Variants in DZIP1 observed in about 807,000 individuals in gnomAD.
DZIP1 encodes the protein DAZ interacting zinc finger protein 1.
In DZIP1, 97 loss-of-function variants were observed where a neutral mutation model predicts 107.6. That is an observed-to-expected ratio of 0.90 (90% CI 0.77 to 1.07). DZIP1 has a LOEUF of 1.07. DZIP1 is among the 50% of genes least tolerant of loss of function. The probability of loss-of-function intolerance (pLI) is 0.00; values close to 1 mark genes in which losing one functional copy is unlikely to be tolerated. For synonymous variants in DZIP1, 390 were observed against 386.4 expected (o/e 1.01, Z -0.11); for missense variants, 1,035 against 1,063.6 (o/e 0.97, Z 0.37).
Position 95,641,289 on chromosome 13 carries a change from G to T in DZIP1, c.597+6C>A. ...TTATGAATCGTGCTCACACACAGCT[G>T]CCCACCTGGTAATAGTTGGCTTTGG... On this transcript the variant is annotated splice_donor_region_variant and intron_variant, in intron 5 of 22. Transcript: ENST00000376829. The surrounding 1 kb of genome is among the most constrained non-coding windows in gnomAD (Gnocchi z 4.3). The T allele has an allele frequency of 1.3e-6, 2 of 1,570,146 alleles. No homozygotes were observed. The highest frequency in any genetic ancestry group is 1.7e-5 in the Admixed American group (1 of 57,188).
In DZIP1 at chr13:95,584,813, G is replaced by A. The variant is rs2044114664; in HGVS notation, c.2447C>T (p.Pro816Leu). ...KSGKEQKEPPPAKNEPHFAHV... is the reference protein window; with the variant it reads ...KSGKEQKEPPLAKNEPHFAHV... ...AGCAAAATGTGGTTCATTTTTCGCA[G>A]GTGGAGGTTCCTTCTGTTCTTTCCC... Residue 816 changes from proline to leucine, a missense_variant, in exon 22 of 23, where the codon CCT becomes CTT. Pro to Leu is a moderately conservative substitution (Grantham distance 98). Transcript: ENST00000376829. The A allele has an allele frequency of 1.2e-6, 2 of 1,613,998 alleles. No individual in the cohort carries two copies. Among genetic ancestry groups the A allele is most frequent in the Admixed American group, 1.7e-5 (1 of 60,000 alleles).
Position 95,609,501 on chromosome 13 carries a change from G to C in DZIP1, c.1376C>G (p.Ala459Gly). 6.3e-7 allele frequency: 1 copy of C among 1,584,428 alleles called. No individual in the cohort carries two copies. Among genetic ancestry groups the C allele is most frequent in the Non-Finnish European group, 8.6e-7 (1 of 1,166,304 alleles). ...SISEPKGNPL[A>G]WQAFESQPAA... ...TGGCTGAGATTCAAAAGCCTGCCAG[G>C]CTAAAGGATTTCCTGAAATGACAGA... Residue 459 changes from alanine (A) to glycine (G), a missense_variant, in exon 13 of 23, where the codon GCC becomes GGC. Ala to Gly is a moderately conservative substitution (Grantham distance 60, BLOSUM62 0). Transcript: ENST00000376829.
intron 5 of DZIP1, among the ~76,000 whole-genome samples, chr13:95,640,770 G>A (rs1463212086): frequency 6.6e-6 from 1 of 152,158 alleles, no homozygotes; most frequent in African/African-American, 2.4e-5. Flanking sequence ...ACTGTGAAAT[G>A]GTTCAAAAGT....
In DZIP1 at chr13:95,610,865, T is replaced by G. The variant is rs571773706; in HGVS notation, c.1363+580A>C. Among the ~76,000 whole-genome samples, 198 of 152,332 alleles carry G rather than the reference T, an allele frequency of 1.3e-3. 1 individual carries two copies. The highest frequency in any genetic ancestry group is 3.4e-3 in the Middle Eastern group (1 of 294). ...GACCCAATTTCCTTTCTCTGTCTCA[T>G]GCATTAGCTGGCCAGGTGATGCCTT... On this transcript the variant is annotated intron_variant, in intron 12 of 22. Coordinates refer to ENST00000376829, the MANE Select transcript of DZIP1 (RefSeq NM_198968.4).
intron 15 of DZIP1, among the ~76,000 whole-genome samples, chr13:95,597,181 A>G (rs1357458856): frequency 1.3e-5 from 2 of 152,242 alleles, no homozygotes; most frequent in Non-Finnish European, 2.9e-5. Flanking sequence ...GCAGTGAGTG[A>G]AATCTGGAAC....
intron 16 of DZIP1, among the ~76,000 whole-genome samples, chr13:95,591,484 C>T (rs568681199): frequency 6.6e-6 from 1 of 152,236 alleles, no homozygotes; most frequent in South Asian, 2.1e-4. Context: ...TCTTTGTTCC[C>T]ATCCCCCTTG....
chr13:95,606,362 C>G, intron 13 of DZIP1, among the ~76,000 whole-genome samples: 1 of 137,114 alleles, frequency 7.3e-6, no homozygotes, highest in East Asian at 2.1e-4. Flanking sequence ...CCTCAAAATA[C>G]CCATGCCCCA....
intron 7 of DZIP1, among the ~76,000 whole-genome samples, chr13:95,625,895 G>A (rs1461983108): frequency 6.6e-6 from 1 of 151,974 alleles, no homozygotes; most frequent in Non-Finnish European, 1.5e-5. Flanking sequence ...GGCCACGGTG[G>A]AACGATCACT....
rs926522922 is a variant in DZIP1 at position 95,587,812 on chromosome 13, T to C, written c.2028-83A>G. 2.1e-6 allele frequency: 3 copies of C among 1,435,160 alleles called. No individual in the cohort carries two copies. The African/African-American group carries it at 4.3e-5, about 21-fold the overall frequency. The allele number at this position is 1,435,160 out of a possible 1,614,324, so 88.9% of individuals were successfully genotyped here. Reference sequence around the variant, plus strand: ...ATATTAAGAGATGTGCCTCTTAAAGTGGTGGCACCTTTCTCAGGTAATTCT... The same window carrying C: ...ATATTAAGAGATGTGCCTCTTAAAGCGGTGGCACCTTTCTCAGGTAATTCT... On this transcript the variant is annotated intron_variant, in intron 19 of 22. Coordinates refer to ENST00000376829, the MANE Select transcript of DZIP1 (RefSeq NM_198968.4).
intron 6 of DZIP1, chr13:95,630,773 G>T (rs1393657585): frequency 1.6e-6 from 2 of 1,287,048 alleles, no homozygotes; most frequent in South Asian, 1.2e-5. Context: ...GACATGAAAG[G>T]TATGGAAACC....
intron 5 of DZIP1, 104 bp from the exon 6 acceptor site, chr13:95,633,425 G>T: frequency 1.1e-6 from 1 of 942,108 alleles, no homozygotes; most frequent in African/African-American, 1.6e-5. Context: ...GCTCACGCCT[G>T]TAATCCCAGC....
At chr13:95,634,332 A>T (rs1334014771) in intron 5 of DZIP1, among the ~76,000 whole-genome samples, 1 of 152,144 alleles carries the variant, frequency 6.6e-6, no homozygotes, top group Non-Finnish European at 1.5e-5. Context: ...CTGTCACATC[A>T]CGTAGTCTTC....
chr13:95,610,103 T>TGAGAGA (rs1291904636), intron 12 of DZIP1, among the ~76,000 whole-genome samples: 10 of 110,754 alleles, frequency 9.0e-5, no homozygotes, highest in African/African-American at 4.2e-4. Context: ...TGTGTGTGTG[T>TGAGAGA]GTGTGTGTGA....
chr13:95,582,754 C>T (rs192066792), intron 22 of DZIP1, among the ~76,000 whole-genome samples: 54 of 152,284 alleles, frequency 3.5e-4, no homozygotes, highest in Admixed American at 3.1e-3. Flanking sequence ...GGATTAACAA[C>T]GAAGTCAATT....
intron 16 of DZIP1, among the ~76,000 whole-genome samples, chr13:95,591,961 C>T (rs2044322217): frequency 6.6e-6 from 1 of 152,070 alleles, no homozygotes; most frequent in Non-Finnish European, 1.5e-5. Flanking sequence ...GACAAAGCTA[C>T]TACAATTAAA....
At position 95,643,034 on chromosome 13, in the gene DZIP1, G is replaced by A. The variant is rs980764085; in HGVS notation, c.-213+9C>T. 6.6e-6 allele frequency: 1 copy of A among 152,162 alleles called. No individual in the cohort carries two copies. Among genetic ancestry groups the A allele is most frequent in the African/African-American group, 2.4e-5 (1 of 41,428 alleles). The allele number at this position is 152,162 out of a possible 1,614,324, so 9.4% of individuals were successfully genotyped here. A position where few individuals can be genotyped will look rare whatever the true frequency, so the allele number is the denominator to read the frequency against. Reference sequence around the variant, plus strand: ...TTACCAACAAGTTTTACAGGGCCATGGTATTTACCTTACAAACTTGGGTCG... The same window carrying A: ...TTACCAACAAGTTTTACAGGGCCATAGTATTTACCTTACAAACTTGGGTCG... On this transcript the variant is annotated intron_variant, in intron 3 of 22. Transcript: ENST00000376829.
chr13:95,621,941 T>C (rs935549789), intron 9 of DZIP1, among the ~76,000 whole-genome samples: 1 of 151,932 alleles, frequency 6.6e-6, no homozygotes, highest in Non-Finnish European at 1.5e-5. Context: ...GCCTGGCCAA[T>C]ATGGTGAAAC....
intron 14 of DZIP1, among the ~76,000 whole-genome samples, chr13:95,601,049 A>G (rs1177829786): frequency 6.6e-6 from 1 of 152,232 alleles, no homozygotes; most frequent in East Asian, 1.9e-4. Context: ...AACTTTTAAT[A>G]AAACTTTCAT....
chr13:95,602,146 C>T (rs1016938747), intron 14 of DZIP1, among the ~76,000 whole-genome samples: 1 of 152,144 alleles, frequency 6.6e-6, no homozygotes, highest in African/African-American at 2.4e-5. Flanking sequence ...CAACAGCTGC[C>T]ATGAACGCCC....
Sources: allele counts gnomAD v4.1 joint callset (sites outside exome capture counted in the v4.1 genomes callset), GRCh38; gene constraint gnomAD v4.1.1; non-coding constraint Gnocchi (gnomAD v3.1); transcripts MANE v1.5; gene names NCBI Gene and HGNC (gene_info 2026-07-23, HGNC 2026-07-21).